The following MED13 variants were observed in gnomAD, a reference collection of about 807,000 sequenced individuals.
MED13 encodes the protein mediator complex subunit 13.
Under a neutral mutation model 225.2 loss-of-function variants are expected in MED13, and 23 were observed. That is an observed-to-expected ratio of 0.10 (90% CI 0.07 to 0.14). The LOEUF (loss-of-function observed/expected upper bound fraction) is 0.14. MED13 is among the 10% of genes least tolerant of loss of function. MED13 has a pLI of 1.00. For missense variants in MED13, 2,197 were observed against 2,594.5 expected (o/e 0.85, Z 3.33); for synonymous variants, 942 against 889.2 (o/e 1.06, Z -1.06).
intron 16 of MED13, among the ~76,000 whole-genome samples, chr17:61,980,130 A>C (rs1225309587): frequency 1.3e-5 from 2 of 152,112 alleles, no homozygotes; most frequent in African/African-American, 4.8e-5. Flanking sequence ...TGGAGGTTGC[A>C]GTGGGCCGAG....
chr17:61,956,862 G>C (rs2079949941), intron 23 of MED13, among the ~76,000 whole-genome samples: 1 of 151,990 alleles, frequency 6.6e-6, no homozygotes, highest in African/African-American at 2.4e-5. Flanking sequence ...GCTCAAATTT[G>C]TGAAAAACAG....
chr17:62,015,948 ATATATATTTTTTTTTTT>A (rs1306215813), intron 8 of MED13, among the ~76,000 whole-genome samples: 9 of 14,624 alleles, frequency 6.2e-4, no homozygotes, highest in South Asian at 3.4e-3. Flanking sequence ...ATATATATAT[ATATATATTTTTTTTTTT>A]TTTTTTTTTT....
intron 8 of MED13, among the ~76,000 whole-genome samples, chr17:62,014,310 T>TTATATATATATATATATATATATATA (rs79817498): frequency 8.4e-5 from 12 of 143,110 alleles, no homozygotes; most frequent in African/African-American, 3.2e-4. Context: ...GTATATGTTT[T>TTATATATATATATATATATATATATA]TATATATATA....
intron 8 of MED13, among the ~76,000 whole-genome samples, chr17:62,022,960 T>C (rs1218253348): frequency 3.3e-5 from 5 of 152,022 alleles, no homozygotes; most frequent in Non-Finnish European, 5.9e-5. Context: ...TAATGAGCCA[T>C]GATTTCATCA....
In MED13 at chr17:61,955,443, C is replaced by G. The variant is rs543999768; in HGVS notation, c.5907G>C (p.Val1969=). Residue 1969 remains valine, a synonymous_variant, in exon 26 of 30, where the codon GTG becomes GTC. Coordinates refer to ENST00000397786, the MANE Select transcript of MED13 (RefSeq NM_005121.3). ...HILVFPTSAS[V]QVASATYTTE... is the part of the protein sequence containing the mutation. The stretch of plus-strand genomic sequence containing the variant: ...TGGTATAAGTAGCTGAAGCTACTTG[C>G]ACAGAAGCAGAAGTAGGAAACACAA... The G allele has an allele frequency of 7.5e-6, 12 of 1,596,286 alleles. No homozygotes were observed. In the African/African-American group the frequency reaches 1.3e-4, roughly 18 times the overall value.
chr17:61,993,200 CTTTTTTT>C (rs964200883), intron 10 of MED13, among the ~76,000 whole-genome samples: 74 of 107,664 alleles, frequency 6.9e-4, no homozygotes, highest in African/African-American at 2.8e-3. Context: ...TTCTTTCTTT[CTTTTTTT>C]TTTTTTTTTT....
At chr17:62,019,787 A>G (rs1458734818) in intron 8 of MED13, among the ~76,000 whole-genome samples, 1 of 148,078 alleles carries the variant, frequency 6.8e-6, no homozygotes, top group African/African-American at 2.5e-5. Context: ...CTTGTCACCC[A>G]GGCTGGAGTG....
rs1329759459 is a variant in MED13 at position 61,944,066 on chromosome 17, A to G, written c.*2402T>C. The G allele has an allele frequency of 6.6e-6, 1 of 152,586 alleles. No homozygotes were observed. The highest frequency in any genetic ancestry group is 1.5e-5 in the Non-Finnish European group (1 of 68,004). The allele number at this position is 152,586 out of a possible 1,614,324, so 9.5% of individuals were successfully genotyped here. A position where few individuals can be genotyped will look rare whatever the true frequency, so the allele number is the denominator to read the frequency against. On this transcript the variant is annotated 3_prime_UTR_variant, in exon 30 of 30. Transcript: ENST00000397786. ...ATTTAATAACTTTCCATTGAGTTTG[A>G]ATGGATATATGAAGGGAAGAAAAAA...
chr17:61,947,864 T>C (rs1018582105), intron 28 of MED13, among the ~76,000 whole-genome samples: 1 of 152,250 alleles, frequency 6.6e-6, no homozygotes, highest in Non-Finnish European at 1.5e-5. Context: ...ACAATGGTGA[T>C]GTTCACTGCA....
In MED13 at chr17:62,029,609, C is replaced by T. The variant is rs1367803046; in HGVS notation, c.1215G>A (p.Ala405=). 4 of 1,614,010 alleles carry T rather than the reference C, an allele frequency of 2.5e-6. No individual in the cohort carries two copies. Among genetic ancestry groups the T allele is most frequent in the South Asian group, 1.1e-5 (1 of 91,078 alleles). The change falls in exon 8 of 30, where the codon GCG becomes GCA. Residue 405 remains alanine, a synonymous_variant. Coordinates refer to ENST00000397786, the MANE Select transcript of MED13 (RefSeq NM_005121.3). ...CCCAGGATGCCACTTTAGCAGCTGT[C>T]GCTTCTTCGCATAGACCACCTGATG... ...SASSGGLCEE[A]TAAKVASWDF... is the part of the protein sequence containing the mutation.
chr17:61,971,275 C>CTT (rs758826223), intron 17 of MED13, among the ~76,000 whole-genome samples: 66 of 136,332 alleles, frequency 4.8e-4, no homozygotes, highest in African/African-American at 1.6e-3. Context: ...TAAATATCTA[C>CTT]TTTTTTTTTT....
intron 3 of MED13, among the ~76,000 whole-genome samples, chr17:62,044,939 G>A (rs1488245482): frequency 6.6e-6 from 1 of 152,228 alleles, no homozygotes; most frequent in Non-Finnish European, 1.5e-5. Flanking sequence ...TGGGATTACA[G>A]GCATGAGCCA....
Position 61,956,477 on chromosome 17 carries a change from G to C in MED13, c.5485C>G (p.Arg1829Gly). The C allele has an allele frequency of 1.9e-6, 3 of 1,605,786 alleles. No individual in the cohort carries two copies. The highest frequency in any genetic ancestry group is 2.5e-6 in the Non-Finnish European group (3 of 1,177,822). ...IINIDVPNRA[R>G]RKKSSARKFG... ...TTTCTAGCAGAACTTTTTTTCCGAC[G>C]AGCCCTATTGTGTGAATAAAGAGAG... is the stretch of plus-strand genomic sequence containing the variant. Residue 1829 changes from arginine (R) to glycine (G), a missense_variant, in exon 24 of 30, where the codon CGT becomes GGT. Arg to Gly is a moderately radical substitution (Grantham distance 125, BLOSUM62 -2). Coordinates refer to ENST00000397786, the MANE Select transcript of MED13 (RefSeq NM_005121.3).
chr17:61,982,088 C>T, intron 16 of MED13, 110 bp downstream of exon 16: 1 of 1,049,826 alleles, frequency 9.5e-7, no homozygotes, highest in Non-Finnish European at 1.4e-6. Flanking sequence ...AGTTTTAAGT[C>T]CAACTTTAAA....
At chr17:61,988,349 A>C (rs1206904598) in intron 11 of MED13, among the ~76,000 whole-genome samples, 1 of 152,222 alleles carries the variant, frequency 6.6e-6, no homozygotes, top group African/African-American at 2.4e-5. Context: ...ACCAATTACA[A>C]TGAAAATTAA....
chr17:62,024,834 C>G (rs1223203282), intron 8 of MED13, among the ~76,000 whole-genome samples: 1 of 152,174 alleles, frequency 6.6e-6, no homozygotes, highest in Non-Finnish European at 1.5e-5. Flanking sequence ...TGACCTCCAG[C>G]TCCATTCATG....
At chr17:61,947,691 C>T (rs965760801) in intron 28 of MED13, among the ~76,000 whole-genome samples, 1 of 152,198 alleles carries the variant, frequency 6.6e-6, no homozygotes, top group South Asian at 2.1e-4. Context: ...TGCACAGATG[C>T]CTGCTTTGCC....
intron 2 of MED13, among the ~76,000 whole-genome samples, chr17:62,056,897 G>C (rs985552596): frequency 1.3e-5 from 2 of 152,012 alleles, no homozygotes; most frequent in African/African-American, 2.4e-5. Context: ...AAATTTTTAT[G>C]GACTATTTAT....
chr17:61,969,758 T>C (rs1172823771), intron 17 of MED13, among the ~76,000 whole-genome samples: 1 of 151,942 alleles, frequency 6.6e-6, no homozygotes, highest in African/African-American at 2.4e-5. Flanking sequence ...CACATCACCA[T>C]ACCGGGATAA....
Sources: allele counts gnomAD v4.1 joint callset (sites outside exome capture counted in the v4.1 genomes callset), GRCh38; gene constraint gnomAD v4.1.1; transcripts MANE v1.5; gene names NCBI Gene and HGNC (gene_info 2026-07-23, HGNC 2026-07-21).